The following KANK1 variants were observed in gnomAD, a reference collection of about 807,000 sequenced individuals.
KANK1 encodes KN motif and ankyrin repeat domain-containing protein 1.
In KANK1, 109 loss-of-function variants were observed where a neutral mutation model predicts 106.2. The ratio of observed to expected loss-of-function variants is 1.03; its 90% CI spans 0.88 to 1.20. The LOEUF (loss-of-function observed/expected upper bound fraction) is 1.20. Among genes scored for constraint, KANK1 ranks in the 50% most tolerant of loss-of-function variants. The pLI, the probability that KANK1 is intolerant of heterozygous loss-of-function variation, is 0.00. For missense variants in KANK1, 2,399 were observed against 1,710.7 expected, an observed-to-expected ratio of 1.40 and a Z score of -7.10; for synonymous variants, 873 against 652.2, an observed-to-expected ratio of 1.34 and a Z score of -5.16.
At chr9:744,943 A>G in intron 11 of KANK1, 1 of 1,443,792 alleles carries the variant, frequency 6.9e-7, no homozygotes, top group Non-Finnish European at 9.1e-7. Flanking sequence ...TGTAGTCCAC[A>G]GTTCACTCTG....
chr9:550,274 T>C (rs1440895452), intron 1 of KANK1, among the ~76,000 whole-genome samples: 1 of 152,094 alleles, frequency 6.6e-6, no homozygotes, highest in Non-Finnish European at 1.5e-5. Flanking sequence ...AGCTCCAATC[T>C]TAACTGGGTT....
intron 7 of KANK1, among the ~76,000 whole-genome samples, 180 bp downstream of exon 7, chr9:735,015 G>A (rs374650334): frequency 3.3e-5 from 5 of 152,180 alleles, no homozygotes; most frequent in African/African-American, 7.2e-5. Context: ...CACTGCCAGC[G>A]TTTCCTTGAG....
rs780280383 is a variant in KANK1, at chr9:742,171, G to A, written c.3697-34G>A. ...GAGGCCACCACTGCCAGCTCAGTACGTACTTCTGAAGTCCTTGTCATCTCT... is the reference window on the plus strand; with the variant it reads ...GAGGCCACCACTGCCAGCTCAGTACATACTTCTGAAGTCCTTGTCATCTCT... On this transcript the variant is annotated intron_variant, in intron 9 of 11. Transcript: ENST00000382297. 5.3e-5 allele frequency: 85 copies of A among 1,596,124 alleles called. 1 individual carries two copies. Among genetic ancestry groups the A allele is most frequent in the East Asian group, 2.2e-4 (10 of 44,742 alleles).
intron 3 of KANK1, among the ~76,000 whole-genome samples, chr9:497,671 G>T (rs935432907): frequency 5.9e-5 from 9 of 152,102 alleles, no homozygotes; most frequent in African/African-American, 2.2e-4. Flanking sequence ...TGGGAAACAT[G>T]GCAAAACCTG....
intron 3 of KANK1, among the ~76,000 whole-genome samples, chr9:713,841 A>G (rs1468362952): frequency 1.3e-5 from 2 of 152,230 alleles, no homozygotes; most frequent in Admixed American, 6.5e-5. Flanking sequence ...TGTACCCACT[A>G]TTACCAGTAT....
intron 1 of KANK1, among the ~76,000 whole-genome samples, chr9:574,540 C>G (rs1468111351): frequency 2.0e-5 from 3 of 152,018 alleles, no homozygotes; most frequent in Non-Finnish European, 4.4e-5. Flanking sequence ...GGGAGGAAGC[C>G]TTTTTATTTG....
intron 1 of KANK1, among the ~76,000 whole-genome samples, chr9:607,090 A>G (rs1219591003): frequency 6.6e-6 from 1 of 151,814 alleles, no homozygotes; most frequent in South Asian, 2.1e-4. Flanking sequence ...CTAGTAATTA[A>G]TACAGTGTCA....
rs1822587925 is a variant in KANK1 at position 701,262 on chromosome 9, C to CA, written c.38-9541dup. Among the ~76,000 whole-genome samples, 4 of 152,266 alleles carry CA rather than the reference C, an allele frequency of 2.6e-5. No individual in the cohort carries two copies. The South Asian group carries it at 8.3e-4, about 32-fold the overall frequency. On this transcript the variant is annotated intron_variant, in intron 2 of 11. Transcript: ENST00000382297. ...GCAAGTACCTGGGATTACAGGCATG[C>CA]ACCACCATGCTGGGCTAATTTTGTA...
intron 2 of KANK1, chr9:685,633 A>ACTAG (rs2139239427): frequency 6.6e-6 from 1 of 152,336 alleles, no homozygotes; most frequent in South Asian, 2.1e-4. Context: ...AGGAGGTAGT[A>ACTAG]CTAGAGTAAC....
At chr9:470,313 C>A (rs1016757657) in exon 1 of KANK1, 1 of 151,730 alleles carries the variant, frequency 6.6e-6, no homozygotes, top group African/African-American at 2.4e-5. Flanking sequence ...TTCGGGGCGT[C>A]CGAAGCGGGC....
Position 743,864 on chromosome 9 carries a change from C to T in KANK1, c.3898-627C>T, listed in dbSNP as rs370470146. On this transcript the variant is annotated intron_variant, in intron 10 of 11. Coordinates refer to ENST00000382297, the MANE Select transcript of KANK1 (RefSeq NM_015158.5). Reference sequence around the variant, plus strand: ...GAGACAAACCCTGTCTCAAAAAACACACTAGACAGAAGACAAGTTGTGTTG... The same window carrying T: ...GAGACAAACCCTGTCTCAAAAAACATACTAGACAGAAGACAAGTTGTGTTG... Among the ~76,000 whole-genome samples, 104 of 152,320 alleles carry T rather than the reference C, an allele frequency of 6.8e-4. 2 individuals are homozygous for T. The South Asian group carries it at 0.02, about 29-fold the overall frequency.
At chr9:470,793 C>T (rs1324253704) in intron 2 of KANK1, 1 of 152,410 alleles carries the variant, frequency 6.6e-6, no homozygotes, top group East Asian at 1.9e-4. Flanking sequence ...CTTTCCTTCC[C>T]ACCACTCATT....
chr9:666,948 A>T (rs1588717969), intron 1 of KANK1, among the ~76,000 whole-genome samples: 2 of 93,660 alleles, frequency 2.1e-5, no homozygotes, highest in Non-Finnish European at 4.0e-5. Flanking sequence ...TGGTTTTGGT[A>T]TCAGGGTAAT....
chr9:744,781 G>C, intron 11 of KANK1, 192 bp downstream of exon 11: 1 of 1,469,614 alleles, frequency 6.8e-7, no homozygotes, highest in East Asian at 2.5e-5. Flanking sequence ...TTTAGCAGAG[G>C]CTGGACCTTG....
intron 3 of KANK1, among the ~76,000 whole-genome samples, chr9:496,682 G>T (rs2058463578): frequency 1.3e-5 from 2 of 152,170 alleles, no homozygotes; most frequent in Admixed American, 1.3e-4. Flanking sequence ...ATTACAAGTT[G>T]TTTTTGCACA....
intron 1 of KANK1, among the ~76,000 whole-genome samples, chr9:536,683 AT>A (rs1446483115): frequency 6.6e-6 from 1 of 152,218 alleles, no homozygotes; most frequent in Non-Finnish European, 1.5e-5. Flanking sequence ...CATCTAGATA[AT>A]CCAGGAAAAT....
chr9:645,460 A>G (rs1839461757), intron 1 of KANK1, among the ~76,000 whole-genome samples: 1 of 148,358 alleles, frequency 6.7e-6, no homozygotes, highest in South Asian at 2.1e-4. Flanking sequence ...AAAAAAAAAA[A>G]AGGCCTTAAG....
intron 1 of KANK1, among the ~76,000 whole-genome samples, chr9:582,234 T>TG (rs1225696900): frequency 2.0e-5 from 3 of 151,928 alleles, no homozygotes; most frequent in Non-Finnish European, 4.4e-5. Context: ...GAGGGGAGTA[T>TG]GGGGGGTGTG....
chr9:568,558 T>A (rs1369822117), intron 1 of KANK1, among the ~76,000 whole-genome samples: 1 of 152,144 alleles, frequency 6.6e-6, no homozygotes, highest in Non-Finnish European at 1.5e-5. Context: ...GGTGCAGTCA[T>A]GGCATGCTTT....
Sources: allele counts gnomAD v4.1 joint callset (sites outside exome capture counted in the v4.1 genomes callset), GRCh38; gene constraint gnomAD v4.1.1; transcripts MANE v1.5; gene names NCBI Gene and HGNC (gene_info 2026-07-23, HGNC 2026-07-21).